Variants in CEP63 observed in about 807,000 individuals in gnomAD.
CEP63 encodes centrosomal protein 63.
A neutral mutation model predicts 89.1 loss-of-function variants in CEP63; 84 were observed. The observed-to-expected ratio is 0.94, with a 90% CI of 0.79 to 1.13. The LOEUF (loss-of-function observed/expected upper bound fraction) is 1.13, where lower values mean the gene tolerates loss of function less well. Ranked by LOEUF, CEP63 falls within the 50% of genes most tolerant of loss-of-function variation. The pLI is 0.00. For missense variants in CEP63, 838 were observed against 813.3 expected (o/e 1.03, Z -0.37); for synonymous variants, 267 against 272.5 (o/e 0.98, Z 0.20).
chr3:134,613,885 A>G, the CEP63 span, among the ~76,000 whole-genome samples: 2 of 152,234 alleles, frequency 1.3e-5, no homozygotes, highest in African/African-American at 2.4e-5. Context: ...GCCAGGATGA[A>G]CCACAACTCT....
chr3:134,519,197 C>T (rs1481440744), intron 3 of CEP63, among the ~76,000 whole-genome samples: 1 of 152,092 alleles, frequency 6.6e-6, no homozygotes, highest in African/African-American at 2.4e-5. Context: ...GATCTCAGCT[C>T]ACTGCAACCT....
chr3:134,607,140 G>A, the CEP63 span: 17 of 985,286 alleles, frequency 1.7e-5, no homozygotes, highest in Admixed American at 6.1e-5. Context: ...AGTTCTTTCC[G>A]ATATTTCCAC....
intron 2 of CEP63, among the ~76,000 whole-genome samples, chr3:134,497,506 G>C (rs1185296324): frequency 1.3e-5 from 2 of 152,066 alleles, no homozygotes; most frequent in African/African-American, 4.8e-5. Flanking sequence ...CAAGTATCTG[G>C]GACCATAGGC....
At chr3:134,664,708 G>A in the CEP63 span, among the ~76,000 whole-genome samples, 1 of 151,868 alleles carries the variant, frequency 6.6e-6, no homozygotes, top group Non-Finnish European at 1.5e-5. Flanking sequence ...GTGTAAACAA[G>A]CCATTCGAAC....
chr3:134,725,191 G>A, the CEP63 span, among the ~76,000 whole-genome samples: 3 of 152,102 alleles, frequency 2.0e-5, no homozygotes, highest in Admixed American at 2.0e-4. Flanking sequence ...TCATCATTCT[G>A]TGATTTATAA....
the CEP63 span, chr3:134,610,374 T>C: frequency 6.2e-7 from 1 of 1,611,144 alleles, no homozygotes; most frequent in South Asian, 1.1e-5. Flanking sequence ...TACACTGCAC[T>C]CCGGCGAGCC....
At chr3:134,677,157 A>C in the CEP63 span, among the ~76,000 whole-genome samples, 1 of 82,480 alleles carries the variant, frequency 1.2e-5, no homozygotes, top group Non-Finnish European at 2.7e-5. Flanking sequence ...GAATTGCTTG[A>C]ACCCGGCAGG....
the CEP63 span, among the ~76,000 whole-genome samples, chr3:134,738,246 TCATACACA>T: frequency 5.4e-5 from 3 of 55,834 alleles, no homozygotes; most frequent in Non-Finnish European, 1.1e-4. Flanking sequence ...TAGTATTCCA[TCATACACA>T]CACACACACA....
chr3:134,602,043 G>C, the CEP63 span, among the ~76,000 whole-genome samples: 57 of 152,216 alleles, frequency 3.7e-4, no homozygotes, highest in Non-Finnish European at 3.8e-4. Flanking sequence ...GAAGCTATGA[G>C]GGTCCCAGCT....
intron 6 of CEP63, among the ~76,000 whole-genome samples, chr3:134,537,734 T>C (rs1951055294): frequency 6.6e-6 from 1 of 152,194 alleles, no homozygotes; most frequent in Non-Finnish European, 1.5e-5. Flanking sequence ...TCTACTATAG[T>C]CTGTGCCTTG....
chr3:134,747,814 C>G, the CEP63 span, among the ~76,000 whole-genome samples: 1 of 152,290 alleles, frequency 6.6e-6, no homozygotes, highest in South Asian at 2.1e-4. Flanking sequence ...GAGACGGAGT[C>G]TCACTCTGTT....
At chr3:134,510,550 A>C (rs1421171426) in intron 3 of CEP63, 3 of 481,128 alleles carry the variant, frequency 6.2e-6, no homozygotes, top group Non-Finnish European at 1.2e-5. Context: ...CTTTTTATTA[A>C]GACCTTGTAC....
intron 3 of CEP63, among the ~76,000 whole-genome samples, chr3:134,514,203 A>G (rs1464459536): frequency 6.6e-6 from 1 of 152,218 alleles, no homozygotes; most frequent in African/African-American, 2.4e-5. Context: ...TGAAAAATAG[A>G]ATGACTGAAA....
the CEP63 span, chr3:134,627,882 G>T: frequency 7.7e-7 from 1 of 1,293,158 alleles, no homozygotes. Flanking sequence ...AAGCACTGAT[G>T]ACTCACCTTC....
chr3:134,493,246 A>G (rs1419317135), intron 1 of CEP63, among the ~76,000 whole-genome samples: 1 of 152,062 alleles, frequency 6.6e-6, no homozygotes, highest in Non-Finnish European at 1.5e-5. Context: ...AAAAAGCTGG[A>G]AGAAACCTTA....
chr3:134,755,626 C>G, the CEP63 span: 1 of 152,240 alleles, frequency 6.6e-6, no homozygotes, highest in Admixed American at 6.5e-5. Flanking sequence ...GACTGGGGCT[C>G]AGTCTCAGCT....
At chr3:134,583,358 A>G (rs1958407738) in intron 10 of CEP63, among the ~76,000 whole-genome samples, 1 of 152,154 alleles carries the variant, frequency 6.6e-6, no homozygotes, top group Admixed American at 6.5e-5. Flanking sequence ...ATTTTTGTCT[A>G]AGGTGTAAGG....
chr3:134,486,410 C>G (rs1416741073), intron 1 of CEP63: 3 of 985,388 alleles, frequency 3.0e-6, no homozygotes, highest in African/African-American at 3.5e-5. Context: ...GGGTCCGCCC[C>G]GAAGCCCAGT....
Position 134,486,190 on chromosome 3 carries a change from G to A in CEP63, c.-38G>A. On this transcript the variant is annotated 5_prime_UTR_variant, in exon 1 of 15. Coordinates refer to ENST00000675561, the MANE Select transcript of CEP63 (RefSeq NM_001353108.3). Reference sequence around the variant, plus strand: ...AGCTTAGCGGTGGCGCGCGTGCGCAGCGCCGGCCCGAGGTAACGGCGGGAA... The same window carrying A: ...AGCTTAGCGGTGGCGCGCGTGCGCAACGCCGGCCCGAGGTAACGGCGGGAA... The A allele has an allele frequency of 1.0e-6, 1 of 985,608 alleles. No homozygotes were observed. Among genetic ancestry groups the A allele is most frequent in the East Asian group, 1.1e-4 (1 of 8,820 alleles). The allele number at this position is 985,608 out of a possible 1,614,324, so 61.1% of individuals were successfully genotyped here. A position where few individuals can be genotyped will look rare whatever the true frequency, so the allele number is the denominator to read the frequency against.
Sources: gnomAD v4.1 joint callset for allele counts (sites outside exome capture counted in the v4.1 genomes callset) on GRCh38, gnomAD v4.1.1 for gene constraint, MANE v1.5 for transcripts, NCBI Gene and HGNC (gene_info 2026-07-23, HGNC 2026-07-21) for gene names.